ORC3: variants seen among roughly 807,000 people sequenced by gnomAD.
ORC3 encodes origin recognition complex subunit 3, also known as homolog of latheo, Drosophila.
ORC3 carries 78 observed loss-of-function variants against 100.7 expected under a neutral mutation model. The observed-to-expected ratio is 0.77, with a 90% CI of 0.65 to 0.94. ORC3 has a LOEUF of 0.94. Ranked by LOEUF, ORC3 falls within the 40% of genes least tolerant of loss-of-function variation. ORC3 has a pLI of 0.00. For synonymous variants in ORC3, 295 were observed against 289.3 expected, an observed-to-expected ratio of 1.02 and a Z score of -0.20; for missense variants, 789 against 823.9, an observed-to-expected ratio of 0.96 and a Z score of 0.52.
chr6:87,648,408 C>T (rs578111461), intron 13 of ORC3, among the ~76,000 whole-genome samples: 5 of 152,252 alleles, frequency 3.3e-5, no homozygotes, highest in South Asian at 4.1e-4. Context: ...ATATGGTGTT[C>T]CACACTTGCA....
rs754597977 is a variant in ORC3 at position 87,594,445 on chromosome 6, T to G, written c.79+38T>G. On this transcript the variant is annotated intron_variant, in intron 2 of 19. Transcript: ENST00000392844. ...AATATTAAATTTTTTATTCCCTACC[T>G]TCTTAAACTATTAGGAACTAACCCT... 46 of 1,518,948 alleles carry G rather than the reference T, an allele frequency of 3.0e-5. 1 individual carries two copies. In the East Asian group the frequency reaches 9.6e-4, roughly 32 times the overall value. The allele number at this position is 1,518,948 out of a possible 1,614,324, so 94.1% of individuals were successfully genotyped here.
chr6:87,659,055 G>A (rs1015590478), intron 16 of ORC3, among the ~76,000 whole-genome samples: 1 of 139,942 alleles, frequency 7.1e-6, no homozygotes, highest in African/African-American at 2.8e-5. Flanking sequence ...ATTGTTTATT[G>A]TAATTTTTTT....
chr6:87,671,460 C>A (rs1487710998), downstream of ORC3, among the ~76,000 whole-genome samples: 1 of 151,740 alleles, frequency 6.6e-6, no homozygotes, highest in Admixed American at 6.6e-5. Flanking sequence ...ACGTAAATTT[C>A]GAGGTGTCTA....
the ORC3 span, among the ~76,000 whole-genome samples, chr6:87,676,187 G>A: frequency 2.6e-5 from 4 of 152,164 alleles, no homozygotes; most frequent in Admixed American, 2.0e-4. Context: ...GGCTGGGACC[G>A]GGTGCGGTGG....
At chr6:87,665,018 C>A (rs540917456) in intron 18 of ORC3, among the ~76,000 whole-genome samples, 159 bp downstream of exon 18, 1 of 152,124 alleles carries the variant, frequency 6.6e-6, no homozygotes, top group Non-Finnish European at 1.5e-5. Context: ...TTAAAAGTTC[C>A]TTAGGAAGTG....
At chr6:87,654,321 C>T (rs548730805) in intron 14 of ORC3, among the ~76,000 whole-genome samples, 1 of 152,292 alleles carries the variant, frequency 6.6e-6, no homozygotes, top group South Asian at 2.1e-4. Flanking sequence ...ACTAGAGTGG[C>T]CTGAGCAGCC....
At chr6:87,627,159 G>A (rs1011534818) in intron 11 of ORC3, among the ~76,000 whole-genome samples, 4 of 151,126 alleles carry the variant, frequency 2.6e-5, no homozygotes, top group Admixed American at 6.6e-5. Flanking sequence ...CACCACACCC[G>A]GCTAATTTTT....
chr6:87,610,881 A>T (rs1007598264), intron 7 of ORC3, among the ~76,000 whole-genome samples: 1 of 148,834 alleles, frequency 6.7e-6, no homozygotes, highest in Non-Finnish European at 1.5e-5. Context: ...TTCTACTTTG[A>T]TAGGATCTTT....
rs1769251111 is a variant in ORC3 at position 87,651,341 on chromosome 6, G to T, written c.1383-1775G>T. 4 of 455,368 alleles carry T rather than the reference G, an allele frequency of 8.8e-6. No homozygotes were observed. The Admixed American group carries it at 9.4e-5, about 11-fold the overall frequency. 28.2% of individuals were successfully genotyped at this position (455,368 alleles called of 1,614,324 possible). Reference sequence around the variant, plus strand: ...CCCCTCCAAGCAAGTCAGTGCCGGTGATTCCTTGGACACCAGAAATGCTAA... The same window carrying T: ...CCCCTCCAAGCAAGTCAGTGCCGGTTATTCCTTGGACACCAGAAATGCTAA... On this transcript the variant is annotated intron_variant, in intron 13 of 19. Transcript: ENST00000392844.
chr6:87,669,133 G>C (rs1348677625), downstream of ORC3, among the ~76,000 whole-genome samples: 1 of 152,152 alleles, frequency 6.6e-6, no homozygotes, highest in African/African-American at 2.4e-5. Flanking sequence ...CTCCAGCCTG[G>C]GCAGAAAGAG....
At chr6:87,639,079 T>C (rs983124887) in intron 13 of ORC3, among the ~76,000 whole-genome samples, 2 of 152,146 alleles carry the variant, frequency 1.3e-5, no homozygotes, top group African/African-American at 4.8e-5. Flanking sequence ...GAAACATAAA[T>C]GAATTTTGTG....
Position 87,605,942 on chromosome 6 carries a change from G to T in ORC3, c.348G>T (p.Leu116Phe). 6.2e-7 allele frequency: 1 copy of T among 1,602,372 alleles called. No individual in the cohort carries two copies. Among genetic ancestry groups the T allele is most frequent in the South Asian group, 1.1e-5 (1 of 90,622 alleles). ...GTGTGAATGTCACAGATCATGATTT[G>T]ACATTCGGAAGTCTAACAGAGGCCC... is the stretch of plus-strand genomic sequence containing the variant. ...VLGVNVTDHD[L>F]TFGSLTEALQ... The change falls in exon 5 of 20, where the codon TTG (leucine) becomes TTT (phenylalanine). Residue 116 changes from leucine (L) to phenylalanine (F), a missense_variant. Transcript: ENST00000392844.
At chr6:87,656,441 A>C (rs191453932) in intron 14 of ORC3, among the ~76,000 whole-genome samples, 87 of 152,256 alleles carry the variant, frequency 5.7e-4, no homozygotes, top group African/African-American at 2.0e-3. Flanking sequence ...TACAAAAATT[A>C]GCCAGGCATG....
chr6:87,645,191 C>T (rs1768663591), intron 13 of ORC3, among the ~76,000 whole-genome samples: 1 of 151,994 alleles, frequency 6.6e-6, no homozygotes, highest in Non-Finnish European at 1.5e-5. Context: ...CTTACCTATA[C>T]AGAATTTTGG....
At chr6:87,612,655 A>G (rs189575241) in intron 8 of ORC3, among the ~76,000 whole-genome samples, 262 of 152,322 alleles carry the variant, frequency 1.7e-3, no homozygotes, top group African/African-American at 6.1e-3. Context: ...TCTGTCATCC[A>G]GGCTGGAGTG....
chr6:87,625,149 T>TA (rs1471307157), intron 11 of ORC3, among the ~76,000 whole-genome samples: 1 of 152,210 alleles, frequency 6.6e-6, no homozygotes, highest in African/African-American at 2.4e-5. Flanking sequence ...AGTGCCGCAA[T>TA]AAACACACGT....
At chr6:87,602,967 A>AT (rs1234292118) in intron 3 of ORC3, among the ~76,000 whole-genome samples, 1 of 56,894 alleles carries the variant, frequency 1.8e-5, no homozygotes, top group African/African-American at 7.3e-5. Flanking sequence ...ATATATATAT[A>AT]TATACATATA....
intron 4 of ORC3, among the ~76,000 whole-genome samples, chr6:87,604,813 A>G (rs2128249775): frequency 6.6e-6 from 1 of 152,338 alleles, no homozygotes; most frequent in Admixed American, 6.5e-5. Flanking sequence ...CCATTTAAAA[A>G]ATAGTCTGCT....
chr6:87,609,292 C>G, intron 7 of ORC3, 63 bp downstream of exon 7: 7 of 1,134,684 alleles, frequency 6.2e-6, no homozygotes, highest in Non-Finnish European at 7.4e-6. Flanking sequence ...CTACTTTTAA[C>G]TTGAAAAGTA....
Sources: allele counts gnomAD v4.1 joint callset (sites outside exome capture counted in the v4.1 genomes callset), GRCh38; gene constraint gnomAD v4.1.1; transcripts MANE v1.5; gene names NCBI Gene and HGNC (gene_info 2026-07-23, HGNC 2026-07-21).